The following ADARB2 variants were observed in gnomAD, a reference collection of about 807,000 sequenced individuals.
ADARB2 encodes the protein adenosine deaminase RNA specific B2 (inactive).
In ADARB2, 25 loss-of-function variants were observed where a neutral mutation model predicts 62.2. The observed-to-expected ratio is 0.40, with a 90% CI of 0.29 to 0.56. ADARB2 has a LOEUF of 0.56. Ranked by LOEUF, ADARB2 falls within the 20% of genes least tolerant of loss-of-function variation. The pLI, the probability that ADARB2 is intolerant of heterozygous loss-of-function variation, is 0.43. For synonymous variants in ADARB2, 572 were observed against 500.8 expected (o/e 1.14, Z -1.90); for missense variants, 1,071 against 1,077.4 (o/e 0.99, Z 0.08).
intron 1 of ADARB2, among the ~76,000 whole-genome samples, chr10:1,648,846 A>G (rs753254207): frequency 1.8e-4 from 27 of 151,910 alleles, no homozygotes; most frequent in Non-Finnish European, 3.2e-4. Flanking sequence ...AGTCAGCACC[A>G]CTGTTCTCGA....
intron 3 of ADARB2, among the ~76,000 whole-genome samples, chr10:1,300,023 T>G (rs1321042766): frequency 6.6e-6 from 1 of 152,182 alleles, no homozygotes; most frequent in South Asian, 2.1e-4. Context: ...GTCCTTTTCC[T>G]TGGTTCCCCA....
At chr10:1,605,050 G>A (rs936986889) in intron 1 of ADARB2, among the ~76,000 whole-genome samples, 3 of 152,226 alleles carry the variant, frequency 2.0e-5, no homozygotes, top group African/African-American at 4.8e-5. Flanking sequence ...ATCTAATAGA[G>A]TTATAGTAAT....
rs780687020 is a variant in ADARB2, at chr10:1,737,059, T to C, written c.92A>G (p.Lys31Arg). 6.2e-6 allele frequency: 10 copies of C among 1,611,358 alleles called. No homozygotes were observed. Among genetic ancestry groups the C allele is most frequent in the Non-Finnish European group, 7.6e-6 (9 of 1,179,908 alleles). The change falls in exon 1 of 10, where the codon AAG becomes AGG. Residue 31 changes from lysine to arginine, a missense_variant. Transcript: ENST00000381312. ...KSKRRRRRRS[K>R]RKDKVSILST... is the part of the protein sequence containing the mutation. ...CGCCACGCGGTCCTTACCTTTCCGC[T>C]TGGACCTCCGCCTCCTCCTCCTCTT...
chr10:1,651,759 GGGCTGC>G, intron 1 of ADARB2, among the ~76,000 whole-genome samples: 1 of 143,910 alleles, frequency 6.9e-6, no homozygotes, highest in African/African-American at 2.6e-5. Context: ...GGGGGAGCGG[GGGCTGC>G]CTGCTTATGG....
chr10:1,377,108 G>C (rs1156518388), intron 2 of ADARB2, among the ~76,000 whole-genome samples: 1 of 139,278 alleles, frequency 7.2e-6, no homozygotes, highest in Non-Finnish European at 1.5e-5. Context: ...GTGCACCCCT[G>C]GGATGTGTGT....
chr10:1,606,865 T>C (rs1175918639), intron 1 of ADARB2, among the ~76,000 whole-genome samples: 5 of 152,148 alleles, frequency 3.3e-5, no homozygotes, highest in Non-Finnish European at 5.9e-5. Context: ...AGGTTCACAT[T>C]ACCCCAGTGA....
At chr10:1,201,011 CAATTAACACA>C (rs1836978627) in intron 7 of ADARB2, among the ~76,000 whole-genome samples, 1 of 152,212 alleles carries the variant, frequency 6.6e-6, no homozygotes, top group Non-Finnish European at 1.5e-5. Flanking sequence ...CCGAAGCAGT[CAATTAACACA>C]GGATTCTTTC....
intron 1 of ADARB2, among the ~76,000 whole-genome samples, chr10:1,607,540 G>T (rs1833507873): frequency 6.6e-6 from 1 of 152,044 alleles, no homozygotes; most frequent in East Asian, 1.9e-4. Flanking sequence ...CCAGACACCA[G>T]GCACCAGCTA....
intron 3 of ADARB2, among the ~76,000 whole-genome samples, chr10:1,320,221 T>C (rs907910032): frequency 2.0e-5 from 3 of 152,252 alleles, no homozygotes; most frequent in South Asian, 4.1e-4. Context: ...CTTGCCATTC[T>C]GGTGTCCCAT....
intron 4 of ADARB2, among the ~76,000 whole-genome samples, chr10:1,269,893 G>GGTGTCATCT (rs1396366158): frequency 6.6e-6 from 1 of 152,142 alleles, no homozygotes; most frequent in Non-Finnish European, 1.5e-5. Context: ...CAAAGAGGCA[G>GGTGTCATCT]GTGTCATCTG....
chr10:1,258,452 G>A (rs1479142607), intron 4 of ADARB2, among the ~76,000 whole-genome samples: 1 of 151,986 alleles, frequency 6.6e-6, no homozygotes, highest in Non-Finnish European at 1.5e-5. Context: ...CAAAGGGATG[G>A]AGGAAGATCT....
chr10:1,275,775 C>A (rs1564243952), intron 3 of ADARB2, among the ~76,000 whole-genome samples: 1 of 151,190 alleles, frequency 6.6e-6, no homozygotes, highest in Non-Finnish European at 1.5e-5. Context: ...TTTGACTTTG[C>A]AATAGTTTGC....
intron 7 of ADARB2, among the ~76,000 whole-genome samples, chr10:1,215,397 C>T (rs1043151242): frequency 9.2e-5 from 14 of 152,324 alleles, no homozygotes; most frequent in African/African-American, 3.4e-4. Context: ...AGCCCAGGAC[C>T]CCATGGGCAC....
chr10:1,462,089 G>T (rs182026171), intron 1 of ADARB2, among the ~76,000 whole-genome samples: 8 of 152,112 alleles, frequency 5.3e-5, no homozygotes, highest in African/African-American at 1.9e-4. Flanking sequence ...AAATGCTCAC[G>T]GTGTGTGTTC....
intron 1 of ADARB2, among the ~76,000 whole-genome samples, chr10:1,557,482 A>G (rs560829471): frequency 6.6e-6 from 1 of 152,130 alleles, no homozygotes. Context: ...AGTCCAGCAC[A>G]TTTCCTGGTT....
intron 1 of ADARB2, among the ~76,000 whole-genome samples, chr10:1,613,324 T>A (rs973760864): frequency 4.6e-5 from 7 of 152,226 alleles, no homozygotes. Context: ...AGATTTTTTT[T>A]AAGCAAAAAT....
At chr10:1,194,327 A>G (rs1194200858) in intron 8 of ADARB2, among the ~76,000 whole-genome samples, 1 of 152,198 alleles carries the variant, frequency 6.6e-6, no homozygotes, top group Non-Finnish European at 1.5e-5. Context: ...AGAGAAATAA[A>G]TTGTGCCTCC....
At chr10:1,492,442 C>T (rs889609237) in intron 1 of ADARB2, among the ~76,000 whole-genome samples, 16 of 152,026 alleles carry the variant, frequency 1.1e-4, no homozygotes, top group African/African-American at 3.1e-4. Context: ...TACCACGTGA[C>T]GCTAAGGCAG....
At chr10:1,280,394 TA>T (rs1172189158) in intron 3 of ADARB2, among the ~76,000 whole-genome samples, 1 of 152,210 alleles carries the variant, frequency 6.6e-6, no homozygotes, top group African/African-American at 2.4e-5. Context: ...AGGCTTTATC[TA>T]GAAACATGTG....
Sources: allele counts gnomAD v4.1 joint callset (sites outside exome capture counted in the v4.1 genomes callset), GRCh38; gene constraint gnomAD v4.1.1; transcripts MANE v1.5; gene names NCBI Gene and HGNC (gene_info 2026-07-23, HGNC 2026-07-21).